CSMD1: variants seen among roughly 807,000 people sequenced by gnomAD.
The protein encoded by CSMD1 is CUB and Sushi multiple domains 1.
In CSMD1, 213 loss-of-function variants were observed where a neutral mutation model predicts 417.5. The ratio of observed to expected loss-of-function variants is 0.51; its 90% CI spans 0.46 to 0.57. CSMD1 has a LOEUF of 0.57. Ranked by LOEUF, CSMD1 falls within the 20% of genes least tolerant of loss-of-function variation. CSMD1 has a pLI of 0.00. For synonymous variants in CSMD1, 2,862 were observed against 1,736.8 expected, an observed-to-expected ratio of 1.65 and a Z score of -16.11; for missense variants, 6,923 against 4,529.7, an observed-to-expected ratio of 1.53 and a Z score of -15.17.
chr8:3,846,994 T>G (rs976219078), intron 5 of CSMD1, among the ~76,000 whole-genome samples: 1 of 152,114 alleles, frequency 6.6e-6, no homozygotes, highest in Non-Finnish European at 1.5e-5. Flanking sequence ...ACTTTTTAAA[T>G]ATGAATTTTC....
chr8:4,434,158 T>A (rs1798021245), intron 2 of CSMD1, among the ~76,000 whole-genome samples: 2 of 152,124 alleles, frequency 1.3e-5, no homozygotes, highest in South Asian at 4.1e-4. Flanking sequence ...GCCAACATGG[T>A]GAAAACCAGT....
At chr8:3,454,277 C>A (rs1815956302) in intron 12 of CSMD1, among the ~76,000 whole-genome samples, 2 of 152,156 alleles carry the variant, frequency 1.3e-5, no homozygotes, top group Non-Finnish European at 2.9e-5. Flanking sequence ...ATTTGCCAGT[C>A]TGTGTCTTTT....
chr8:3,309,795 G>C (rs984161047), intron 23 of CSMD1, among the ~76,000 whole-genome samples: 2 of 152,134 alleles, frequency 1.3e-5, no homozygotes, highest in Non-Finnish European at 2.9e-5. Flanking sequence ...TGAGGAAAAT[G>C]TATTCTTAAC....
intron 5 of CSMD1, among the ~76,000 whole-genome samples, chr8:3,768,592 A>G (rs375598460): frequency 1.9e-4 from 29 of 152,370 alleles, no homozygotes; most frequent in Admixed American, 1.9e-3. Flanking sequence ...AGTTCAACAC[A>G]GAGTGTAACA....
At chr8:2,971,206 T>G (rs999790527) in intron 57 of CSMD1, among the ~76,000 whole-genome samples, 6 of 152,156 alleles carry the variant, frequency 3.9e-5, no homozygotes, top group African/African-American at 4.8e-5. Context: ...TGGACATATT[T>G]TTAATAGTTG....
intron 1 of CSMD1, among the ~76,000 whole-genome samples, chr8:4,821,188 G>A (rs781120627): frequency 4.6e-5 from 7 of 152,218 alleles, no homozygotes; most frequent in Non-Finnish European, 1.0e-4. Flanking sequence ...ACGTCACTGT[G>A]ACATTCAGGT....
chr8:4,497,407 T>G (rs1802033118), intron 2 of CSMD1, among the ~76,000 whole-genome samples: 1 of 152,232 alleles, frequency 6.6e-6, no homozygotes, highest in Non-Finnish European at 1.5e-5. Flanking sequence ...ATGATTGTAT[T>G]TTGGGGGGAA....
intron 7 of CSMD1, among the ~76,000 whole-genome samples, chr8:3,628,434 A>C (rs1796601759): frequency 6.6e-6 from 1 of 152,248 alleles, no homozygotes; most frequent in South Asian, 2.1e-4. Context: ...GCTTCCATTA[A>C]CCGTAAGTCA....
Position 4,161,661 on chromosome 8 carries a change from C to T in CSMD1, c.416-129562G>A, listed in dbSNP as rs920297705. ...TAATGTGTTCTTCCAACGTCAACAA[C>T]AGCCATAAAAATTATTACAATTTAG... is the stretch of plus-strand genomic sequence containing the variant. On this transcript the variant is annotated intron_variant, in intron 3 of 69. Coordinates refer to ENST00000635120, the MANE Select transcript of CSMD1 (RefSeq NM_033225.6). Among the ~76,000 whole-genome samples, 23 of 152,284 alleles carry T rather than the reference C, an allele frequency of 1.5e-4. 1 individual carries two copies. The highest frequency in any genetic ancestry group is 5.1e-4 in the African/African-American group (21 of 41,568).
chr8:3,829,871 C>T (rs745851584), intron 5 of CSMD1, among the ~76,000 whole-genome samples: 2 of 152,096 alleles, frequency 1.3e-5, no homozygotes, highest in East Asian at 1.9e-4. Context: ...TTAGAAAACA[C>T]TGTTATGTGA....
intron 6 of CSMD1, among the ~76,000 whole-genome samples, chr8:3,730,243 G>C (rs4345580): frequency 0.62 from 93,740 of 151,910 alleles, 31,443 homozygotes; most frequent in Non-Finnish European, 0.75. Context: ...TTAAATTCGA[G>C]ATGAGAAAAT....
At chr8:4,383,627 G>C (rs770193366) in intron 3 of CSMD1, among the ~76,000 whole-genome samples, 16 of 152,082 alleles carry the variant, frequency 1.1e-4, no homozygotes, top group Non-Finnish European at 2.2e-4. Flanking sequence ...ATTAAACTGA[G>C]AATCAACTAT....
chr8:4,541,047 C>A (rs1366062053), intron 2 of CSMD1, among the ~76,000 whole-genome samples: 1 of 152,128 alleles, frequency 6.6e-6, no homozygotes, highest in Non-Finnish European at 1.5e-5. Context: ...TTCACAAACT[C>A]GATTGTTAGA....
At chr8:4,234,820 T>C (rs532269572) in intron 3 of CSMD1, among the ~76,000 whole-genome samples, 1 of 152,228 alleles carries the variant, frequency 6.6e-6, no homozygotes, top group African/African-American at 2.4e-5. Flanking sequence ...GTTGGAGAGA[T>C]AAGAACAGTC....
chr8:4,007,172 T>G (rs1160886550), intron 4 of CSMD1, among the ~76,000 whole-genome samples: 1 of 152,124 alleles, frequency 6.6e-6, no homozygotes, highest in Non-Finnish European at 1.5e-5. Flanking sequence ...AATCAAGCAC[T>G]GATGCCCACT....
chr8:3,095,268 G>A (rs1444799688), intron 47 of CSMD1, among the ~76,000 whole-genome samples: 4 of 152,098 alleles, frequency 2.6e-5, no homozygotes, highest in Non-Finnish European at 5.9e-5. Flanking sequence ...TACAGCCTGT[G>A]AGGTTGGATG....
intron 23 of CSMD1, among the ~76,000 whole-genome samples, chr8:3,317,118 G>C (rs1481232110): frequency 2.6e-5 from 4 of 152,142 alleles, no homozygotes; most frequent in Non-Finnish European, 5.9e-5. Context: ...AGAGAAAAAT[G>C]CAGCTCATGG....
intron 1 of CSMD1, among the ~76,000 whole-genome samples, chr8:4,886,603 C>T (rs1375141872): frequency 1.3e-5 from 2 of 151,770 alleles, no homozygotes; most frequent in Non-Finnish European, 2.9e-5. Context: ...TCATATAATT[C>T]AGCAGTAAAA....
chr8:3,277,363 G>A (rs1584914972), intron 26 of CSMD1, among the ~76,000 whole-genome samples: 1 of 152,160 alleles, frequency 6.6e-6, no homozygotes, highest in South Asian at 2.1e-4. Context: ...GGGCCAGAAA[G>A]TACGCAGGTG....
Sources: gnomAD v4.1 joint callset for allele counts (sites outside exome capture counted in the v4.1 genomes callset) on GRCh38, gnomAD v4.1.1 for gene constraint, MANE v1.5 for transcripts, NCBI Gene and HGNC (gene_info 2026-07-23, HGNC 2026-07-21) for gene names.